The following BMP5 variants were observed in gnomAD, a reference collection of about 807,000 sequenced individuals.
BMP5 encodes the protein bone morphogenetic protein 5.
Under a neutral mutation model 46.6 loss-of-function variants are expected in BMP5, and 23 were observed. The ratio of observed to expected loss-of-function variants is 0.49; its 90% CI spans 0.35 to 0.70. BMP5 has a LOEUF of 0.70. Among genes scored for constraint, BMP5 ranks in the 30% least tolerant of loss-of-function variants. BMP5 has a pLI of 0.00. For synonymous variants in BMP5, 204 were observed against 191.9 expected, an observed-to-expected ratio of 1.06 and a Z score of -0.52; for missense variants, 545 against 565.6, an observed-to-expected ratio of 0.96 and a Z score of 0.37.
At chr6:55,820,453 C>T (rs756004250) in intron 1 of BMP5, among the ~76,000 whole-genome samples, 1 of 151,856 alleles carries the variant, frequency 6.6e-6, no homozygotes, top group Non-Finnish European at 1.5e-5. Flanking sequence ...GGTCTCACTC[C>T]GTTGCCCAAG....
chr6:55,826,295 A>G (rs1168457281), intron 1 of BMP5, among the ~76,000 whole-genome samples: 1 of 151,278 alleles, frequency 6.6e-6, no homozygotes, highest in African/African-American at 2.4e-5. Context: ...AATTTTCTAC[A>G]GTTATTATCC....
intron 4 of BMP5, chr6:55,772,995 C>T (rs1325087085): frequency 1.2e-6 from 1 of 831,148 alleles, no homozygotes; most frequent in Non-Finnish European, 1.5e-6. Flanking sequence ...TAAATAGCTG[C>T]TGTATGACCT....
chr6:55,788,225 G>A (rs949947662), intron 3 of BMP5, among the ~76,000 whole-genome samples: 11 of 151,618 alleles, frequency 7.3e-5, no homozygotes, highest in African/African-American at 1.4e-4. Context: ...ATTGCATTAC[G>A]AAAAGCTTGT....
At position 55,874,649 on chromosome 6, in the gene BMP5, G is replaced by C; in HGVS notation, c.217C>G (p.Gln73Glu). The change falls in exon 1 of 7, where the codon CAA becomes GAA. Residue 73 changes from glutamine (Q) to glutamate (E), a missense_variant. Gln to Glu is a conservative substitution (Grantham distance 29, BLOSUM62 2). Coordinates refer to ENST00000370830, the MANE Select transcript of BMP5 (RefSeq NM_021073.4). ...ATAAAGAGAGGTGCAGAGGACGCTTGTTTTCCAGGTGAAAATGGTCTGGGT... is the reference window on the plus strand; with the variant it reads ...ATAAAGAGAGGTGCAGAGGACGCTTCTTTTCCAGGTGAAAATGGTCTGGGT... ...HRPRPFSPGKQASSAPLFMLD... is the reference protein window; with the variant it reads ...HRPRPFSPGKEASSAPLFMLD... 1 of 1,613,618 alleles carries C rather than the reference G, an allele frequency of 6.2e-7. No individual in the cohort carries two copies. The highest frequency in any genetic ancestry group is 8.5e-7 in the Non-Finnish European group (1 of 1,179,726).
chr6:55,758,928 A>T, intron 6 of BMP5, 77 bp downstream of exon 6: 2 of 995,158 alleles, frequency 2.0e-6, no homozygotes, highest in Non-Finnish European at 3.2e-6. Context: ...AATTGTAAAT[A>T]GATGCTTTCC....
At chr6:55,840,176 T>A (rs1776915267) in intron 1 of BMP5, among the ~76,000 whole-genome samples, 1 of 152,148 alleles carries the variant, frequency 6.6e-6, no homozygotes, top group Non-Finnish European at 1.5e-5. Flanking sequence ...TTGTTTTATG[T>A]CAGTATACAG....
Position 55,829,507 on chromosome 6 carries a change from A to T in BMP5, c.491-9660T>A, listed in dbSNP as rs577340858. Reference sequence around the variant, plus strand: ...ATATTAGTTCTAATAGTATATATATATTTTTTACTTCCTTCTTCAAAGGAA... The same window carrying T: ...ATATTAGTTCTAATAGTATATATATTTTTTTTACTTCCTTCTTCAAAGGAA... On this transcript the variant is annotated intron_variant, in intron 1 of 6. Transcript: ENST00000370830. Among the ~76,000 whole-genome samples the T allele has an allele frequency of 4.0e-5, 6 of 151,826 alleles. No individual in the cohort carries two copies. The South Asian group carries it at 8.3e-4, about 21-fold the overall frequency.
At position 55,764,306 on chromosome 6, in the gene BMP5, T is replaced by G. The variant is rs921277977; in HGVS notation, c.1028-3773A>C. Among the ~76,000 whole-genome samples the G allele has an allele frequency of 1.5e-4, 23 of 151,648 alleles. 1 individual carries two copies. The highest frequency in any genetic ancestry group is 6.6e-4 in the Admixed American group (10 of 15,230). ...AGAATGAAATTGGCCTGGCGTGGTGTCTCACACCTGTAATCCCAGCACTTT... is the reference window on the plus strand; with the variant it reads ...AGAATGAAATTGGCCTGGCGTGGTGGCTCACACCTGTAATCCCAGCACTTT... On this transcript the variant is annotated intron_variant, in intron 4 of 6. Coordinates refer to ENST00000370830, the MANE Select transcript of BMP5 (RefSeq NM_021073.4).
chr6:55,772,620 T>G (rs1775074484), intron 4 of BMP5: 1 of 393,548 alleles, frequency 2.5e-6, no homozygotes, highest in South Asian at 1.1e-4. Context: ...TATTAAGTAA[T>G]TACAGCTTTT....
chr6:55,791,743 G>T (rs895183176), intron 3 of BMP5, among the ~76,000 whole-genome samples: 1 of 152,156 alleles, frequency 6.6e-6, no homozygotes, highest in Non-Finnish European at 1.5e-5. Context: ...GAAAGTCCAC[G>T]TGGAGCAAGA....
intron 3 of BMP5, among the ~76,000 whole-genome samples, chr6:55,779,666 T>C (rs1045458495): frequency 4.6e-5 from 7 of 152,036 alleles, no homozygotes; most frequent in Non-Finnish European, 1.0e-4. Flanking sequence ...ATACTTAAAT[T>C]TACTATAATC....
intron 4 of BMP5, among the ~76,000 whole-genome samples, chr6:55,770,314 C>T (rs921447248): frequency 2.6e-5 from 4 of 151,876 alleles, no homozygotes; most frequent in Non-Finnish European, 5.9e-5. Context: ...TCACCTTGCA[C>T]TTTTTTGCTA....
intron 1 of BMP5, among the ~76,000 whole-genome samples, chr6:55,852,906 T>G (rs1777280032): frequency 6.6e-6 from 1 of 151,844 alleles, no homozygotes; most frequent in Admixed American, 6.6e-5. Context: ...CCGAGGTGGG[T>G]GGATCACGAG....
At chr6:55,849,516 C>T (rs62404968) in intron 1 of BMP5, among the ~76,000 whole-genome samples, 28,393 of 151,834 alleles carry the variant, frequency 0.19, 3,092 homozygotes, top group Non-Finnish European at 0.25. Context: ...GTGTGAATGG[C>T]AGGTGCAAAG....
At chr6:55,867,528 C>T (rs1005302116) in intron 1 of BMP5, among the ~76,000 whole-genome samples, 2 of 152,008 alleles carry the variant, frequency 1.3e-5, no homozygotes, top group Non-Finnish European at 2.9e-5. Flanking sequence ...GTGGGGCAGG[C>T]GGGAAGGGAT....
At chr6:55,765,866 T>A (rs918426682) in intron 4 of BMP5, among the ~76,000 whole-genome samples, 8 of 152,136 alleles carry the variant, frequency 5.3e-5, no homozygotes, top group African/African-American at 1.9e-4. Context: ...ATCATGTAAT[T>A]AACATCGTCA....
intron 4 of BMP5, among the ~76,000 whole-genome samples, chr6:55,764,025 A>G (rs1774852162): frequency 6.6e-6 from 1 of 152,166 alleles, no homozygotes; most frequent in Non-Finnish European, 1.5e-5. Context: ...CTGTTGGTGG[A>G]AATGTAAATT....
chr6:55,844,487 T>G (rs575296440), intron 1 of BMP5, among the ~76,000 whole-genome samples: 1 of 152,128 alleles, frequency 6.6e-6, no homozygotes, highest in African/African-American at 2.4e-5. Flanking sequence ...TGTTATATAT[T>G]TAACTTAGAA....
intron 6 of BMP5, 146 bp from the exon 7 acceptor site, chr6:55,755,828 G>T (rs1005145221): frequency 1.1e-5 from 9 of 789,036 alleles, no homozygotes; most frequent in African/African-American, 3.5e-5. Flanking sequence ...TGACTGGGGT[G>T]GGGGACTGAA....
Sources: allele counts gnomAD v4.1 joint callset (sites outside exome capture counted in the v4.1 genomes callset), GRCh38; gene constraint gnomAD v4.1.1; transcripts MANE v1.5; gene names NCBI Gene and HGNC (gene_info 2026-07-23, HGNC 2026-07-21).